The following NISCH variants were observed in gnomAD, a reference collection of about 807,000 sequenced individuals.
The protein encoded by NISCH is nischarin, also known as I-1 receptor candidate protein.
NISCH carries 55 observed loss-of-function variants against 138.4 expected under a neutral mutation model. The observed-to-expected ratio is 0.40, with a 90% confidence interval of 0.32 to 0.50. The LOEUF is 0.50. NISCH is among the 20% of genes least tolerant of loss of function. The pLI is 0.71. For missense variants in NISCH, 1,643 were observed against 2,005.5 expected, an observed-to-expected ratio of 0.82 and a Z score of 3.45; for synonymous variants, 860 against 861.5, an observed-to-expected ratio of 1.00 and a Z score of 0.03.
At chr3:52,470,581 C>T in intron 3 of NISCH, 1 of 505,666 alleles carries the variant, frequency 2.0e-6, no homozygotes, top group South Asian at 2.6e-5. Context: ...TGCTGGCCTC[C>T]TGGGCTACAG....
At chr3:52,489,996 T>C (rs1707517224) in intron 17 of NISCH, 79 bp from the exon 18 acceptor site, 3 of 1,562,032 alleles carry the variant, frequency 1.9e-6, no homozygotes, top group Non-Finnish European at 2.6e-6. Flanking sequence ...CCATGTCTCC[T>C]TGTGGAAGCT....
Position 52,480,243 on chromosome 3 carries a change from C to T in NISCH, c.1476C>T (p.Pro492=), listed in dbSNP as rs1707230658. 1 of 1,613,986 alleles carries T rather than the reference C, an allele frequency of 6.2e-7. No individual in the cohort carries two copies. The highest frequency in any genetic ancestry group is 8.5e-7 in the Non-Finnish European group (1 of 1,179,992). Residue 492 remains proline (P), a synonymous_variant, in exon 13 of 21, where the codon CCC becomes CCT. Coordinates refer to ENST00000345716, the MANE Select transcript of NISCH (RefSeq NM_007184.4). The stretch of plus-strand genomic sequence containing the variant: ...GCATCAGACCCAGCAGCTCCCCTCC[C>T]ACTGTGGCTCCCGCATCTGCCTCCC... ...APCIRPSSSP[P]TVAPASASLP... is the part of the protein sequence containing the mutation.
chr3:52,457,259 T>A (rs1389475285), intron 1 of NISCH, among the ~76,000 whole-genome samples: 1 of 152,236 alleles, frequency 6.6e-6, no homozygotes, highest in Admixed American at 6.5e-5. Flanking sequence ...TATTGCCTCC[T>A]GATAGAGCTT....
intron 2 of NISCH, 74 bp downstream of exon 2, chr3:52,458,000 A>T: frequency 8.3e-7 from 1 of 1,200,148 alleles, no homozygotes; most frequent in Non-Finnish European, 1.2e-6. Context: ...TGTGCCACAT[A>T]TTAGTTTTAG....
chr3:52,487,063 C>A lies in NISCH; in HGVS notation c.1704-133C>A. The A allele has an allele frequency of 9.9e-7, 1 of 1,011,442 alleles. No individual in the cohort carries two copies. The highest frequency in any genetic ancestry group is 1.4e-6 in the Non-Finnish European group (1 of 700,204). The allele number at this position is 1,011,442 out of a possible 1,614,324, so 62.7% of individuals were successfully genotyped here. A position where few individuals can be genotyped will look rare whatever the true frequency, so the allele number is the denominator to read the frequency against. On this transcript the variant is annotated intron_variant, in intron 15 of 20. Coordinates refer to ENST00000345716, the MANE Select transcript of NISCH (RefSeq NM_007184.4). The surrounding 1 kb of genome is among the most constrained non-coding windows in gnomAD (Gnocchi z 9.1). ...CCCTCATCCTGGGAACTGACTTGGC[C>A]ATGTGGGAGGCTTGGGAGACCCATG...
intron 6 of NISCH, 34 bp from the exon 7 acceptor site, chr3:52,473,700 T>A (rs746894757): frequency 6.8e-7 from 1 of 1,466,406 alleles, no homozygotes; most frequent in South Asian, 1.2e-5. Flanking sequence ...GAGCAAGGAT[T>A]CTGTTTCTGA....
At chr3:52,481,834 G>A in intron 13 of NISCH, 1 of 985,514 alleles carries the variant, frequency 1.0e-6, no homozygotes, top group Non-Finnish European at 1.2e-6. Context: ...GCACTCTGCA[G>A]TCTGTCCCCG....
chr3:52,457,741 A>G lies in NISCH; in HGVS notation c.94-102A>G, dbSNP rs376222536. On this transcript the variant is annotated intron_variant, in intron 1 of 20. Transcript: ENST00000345716. ...CTGAGTTGCAGAGAGAAAGACTGAT[A>G]AAAGATAATTGGGAAAGATAATTGC... The G allele has an allele frequency of 6.5e-5, 60 of 922,066 alleles. No individual in the cohort carries two copies. The East Asian group carries it at 1.4e-3, about 21-fold the overall frequency. 57.1% of individuals were successfully genotyped at this position (922,066 alleles called of 1,614,324 possible).
chr3:52,469,598 C>CT (rs2153231001), intron 3 of NISCH, among the ~76,000 whole-genome samples: 1 of 152,274 alleles, frequency 6.6e-6, no homozygotes, highest in Admixed American at 6.5e-5. Flanking sequence ...GAGACCCTGT[C>CT]TCTACAAAAT....
At chr3:52,491,021 A>G (rs537913360) in intron 19 of NISCH, among the ~76,000 whole-genome samples, 188 bp downstream of exon 19, 24 of 152,388 alleles carry the variant, frequency 1.6e-4, no homozygotes, top group African/African-American at 5.8e-4. Flanking sequence ...TCCAGGGCTC[A>G]GAGCAGGAGG....
Position 52,487,164 on chromosome 3 carries a change from G to C in NISCH, c.1704-32G>C, listed in dbSNP as rs1707420990. On this transcript the variant is annotated intron_variant, in intron 15 of 20. Coordinates refer to ENST00000345716, the MANE Select transcript of NISCH (RefSeq NM_007184.4). This position sits in a 1 kb window ranked among gnomAD's most constrained non-coding sequence, Gnocchi z 9.1. ...TGGGAGGTGGGAGGGGCCCCTCCCA[G>C]CATGCCACTGACCTGGCCTCTCCCT... The C allele has an allele frequency of 1.3e-6, 2 of 1,583,946 alleles. No homozygotes were observed. The highest frequency in any genetic ancestry group is 2.3e-5 in the South Asian group (2 of 87,984).
chr3:52,490,954 C>A, intron 19 of NISCH, 121 bp downstream of exon 19: 1 of 1,395,534 alleles, frequency 7.2e-7, no homozygotes, highest in South Asian at 1.3e-5. Context: ...AGAGCCACTT[C>A]TTAACCGGGG....
chr3:52,456,490 T>G (rs547123449), intron 1 of NISCH, among the ~76,000 whole-genome samples: 29 of 149,544 alleles, frequency 1.9e-4, no homozygotes, highest in African/African-American at 6.9e-4. Flanking sequence ...TTTGACGGGG[T>G]TGGATGCCAG....
At chr3:52,458,469 T>G (rs1467682924) in intron 2 of NISCH, among the ~76,000 whole-genome samples, 193 bp from the exon 3 acceptor site, 1 of 152,210 alleles carries the variant, frequency 6.6e-6, no homozygotes, top group African/African-American at 2.4e-5. Flanking sequence ...AGAATTGTAT[T>G]GGTATTTCTA....
chr3:52,464,517 C>CTTTTTTTTTTTTTTT (rs71084185), intron 3 of NISCH, among the ~76,000 whole-genome samples: 6 of 75,808 alleles, frequency 7.9e-5, no homozygotes, highest in African/African-American at 1.6e-4. Flanking sequence ...TGTGAGTTGT[C>CTTTTTTTTTTTTTTT]TTTTTTTTTT....
chr3:52,466,999 CTTTTTT>C (rs11457136), intron 3 of NISCH, among the ~76,000 whole-genome samples: 4 of 122,758 alleles, frequency 3.3e-5, no homozygotes, highest in Non-Finnish European at 6.5e-5. Context: ...GTTTCTTTTT[CTTTTTT>C]TTTTTTTTTT....
At chr3:52,478,988 C>T (rs1284091610) in intron 11 of NISCH, among the ~76,000 whole-genome samples, 4 of 152,180 alleles carry the variant, frequency 2.6e-5, no homozygotes, top group Admixed American at 6.5e-5. Flanking sequence ...GTTCACCCAT[C>T]GCCTGGGCCT....
rs1461238209 is a variant in NISCH, at chr3:52,471,861, C to G, written c.457C>G (p.Gln153Glu). ...CGAGGTCTTTGCCATTGGACCCCTG[C>G]AGCTGTATGCCGTCACGGAGCAGCT... ...AGEVFAIGPL[Q>E]LYAVTEQLQQ... The change falls in exon 5 of 21, where the codon CAG becomes GAG. Residue 153 changes from glutamine (Q) to glutamate (E), a missense_variant. Gln to Glu is a conservative substitution (Grantham distance 29). Coordinates refer to ENST00000345716, the MANE Select transcript of NISCH (RefSeq NM_007184.4). The G allele has an allele frequency of 3.7e-6, 6 of 1,613,786 alleles. No homozygotes were observed. The highest frequency in any genetic ancestry group is 5.1e-6 in the Non-Finnish European group (6 of 1,179,956).
intron 14 of NISCH, among the ~76,000 whole-genome samples, 159 bp from the exon 15 acceptor site, chr3:52,485,619 C>T (rs1707381690): frequency 6.6e-6 from 1 of 151,980 alleles, no homozygotes; most frequent in Non-Finnish European, 1.5e-5. Flanking sequence ...AGAGTGGGCC[C>T]CAGGGTCCCA....
Sources: gnomAD v4.1 joint callset for allele counts (sites outside exome capture counted in the v4.1 genomes callset) on GRCh38, gnomAD v4.1.1 for gene constraint, Gnocchi (gnomAD v3.1) non-coding constraint, MANE v1.5 for transcripts, NCBI Gene and HGNC (gene_info 2026-07-23, HGNC 2026-07-21) for gene names.